Variants in MN1 observed in about 807,000 individuals in gnomAD.
MN1 encodes MN1 proto-oncogene, transcriptional regulator.
A neutral mutation model predicts 86.9 loss-of-function variants in MN1; 19 were observed. The observed-to-expected ratio is 0.22, with a 90% CI of 0.15 to 0.32. The LOEUF (loss-of-function observed/expected upper bound fraction) is 0.32, where lower values mean the gene tolerates loss of function less well. MN1 is among the 10% of genes least tolerant of loss of function. MN1 has a pLI of 1.00. For missense variants in MN1, 1,841 were observed against 1,862.0 expected, an observed-to-expected ratio of 0.99 and a Z score of 0.21; for synonymous variants, 928 against 849.6, an observed-to-expected ratio of 1.09 and a Z score of -1.60.
intron 1 of MN1, among the ~76,000 whole-genome samples, chr22:27,756,593 AG>A (rs1222169440): frequency 5.9e-5 from 9 of 152,166 alleles, no homozygotes; most frequent in Non-Finnish European, 1.0e-4. Context: ...ACTCCGGGCT[AG>A]GTGCTCACCT....
At chr22:27,766,373 C>T (rs1236899844) in intron 1 of MN1, among the ~76,000 whole-genome samples, 1 of 152,116 alleles carries the variant, frequency 6.6e-6, no homozygotes, top group African/African-American at 2.4e-5. Flanking sequence ...TCATCTCTGG[C>T]ATTGACCTAG....
At chr22:27,752,692 A>G (rs944659717) in intron 1 of MN1, among the ~76,000 whole-genome samples, 1 of 152,168 alleles carries the variant, frequency 6.6e-6, no homozygotes, top group African/African-American at 2.4e-5. Context: ...CTCATTTCCT[A>G]GACTCTGACT....
chr22:27,749,338 T>C lies in MN1; in HGVS notation c.*1577A>G, dbSNP rs142497819. On this transcript the variant is annotated 3_prime_UTR_variant, in exon 2 of 2. Coordinates refer to ENST00000302326, the MANE Select transcript of MN1 (RefSeq NM_002430.3). ...GCAAACTCTGAGGACCTGGAGGGGG[T>C]GGGGGAGCTCAAAGTGGAGCGTTTT... 5.1e-4 allele frequency: 119 copies of C among 231,720 alleles called. 1 individual carries two copies. The East Asian group carries it at 6.8e-3, about 13-fold the overall frequency. 14.4% of individuals were successfully genotyped at this position (231,720 alleles called of 1,614,324 possible). A position where few individuals can be genotyped will look rare whatever the true frequency, so the allele number is the denominator to read the frequency against.
intron 1 of MN1, among the ~76,000 whole-genome samples, chr22:27,757,553 G>A (rs899850388): frequency 1.3e-5 from 2 of 152,196 alleles, no homozygotes; most frequent in Admixed American, 6.5e-5. Flanking sequence ...ACACAATAGC[G>A]GATGACTCTC....
At chr22:27,780,192 C>T (rs1268115567) in intron 1 of MN1, among the ~76,000 whole-genome samples, 2 of 152,204 alleles carry the variant, frequency 1.3e-5, no homozygotes, top group African/African-American at 4.8e-5. Context: ...CCTGTCTGTG[C>T]TCCACACCCT....
In MN1 at chr22:27,794,990, C is replaced by T. The variant is rs543964331; in HGVS notation, c.3781+1773G>A. 1.9e-4 allele frequency among the ~76,000 whole-genome samples: 26 copies of T among 135,282 alleles called. No homozygotes were observed. The South Asian group carries it at 5.2e-3, about 27-fold the overall frequency. The allele number at this position is 135,282 out of a possible 152,430, so 88.8% of individuals were successfully genotyped here. ...TAACCAGCTATCGATCGGGCCAGATCGAGATGTCGTGTACAAGAAAATAAA... is the reference window on the plus strand; with the variant it reads ...TAACCAGCTATCGATCGGGCCAGATTGAGATGTCGTGTACAAGAAAATAAA... On this transcript the variant is annotated intron_variant, in intron 1 of 1. Transcript: ENST00000302326.
Position 27,798,768 on chromosome 22 carries a change from G to C in MN1, c.1776C>G (p.Gly592=). The C allele has an allele frequency of 6.5e-7, 1 of 1,534,642 alleles. No homozygotes were observed. The change falls in exon 1 of 2, where the codon GGC becomes GGG. Residue 592 remains glycine, a synonymous_variant. Transcript: ENST00000302326. Reference sequence around the variant, plus strand: ...GCTGGGCCAAGCCGCCCACCGGGCCGCCATGCACCAGGCCGCCCTGGCCCA... The same window carrying C: ...GCTGGGCCAAGCCGCCCACCGGGCCCCCATGCACCAGGCCGCCCTGGCCCA... ...GDVGQGGLVH[G]GPVGGLAQPN... is the part of the protein sequence containing the mutation.
intron 1 of MN1, among the ~76,000 whole-genome samples, chr22:27,774,469 C>T (rs930475104): frequency 2.0e-5 from 3 of 152,232 alleles, no homozygotes; most frequent in African/African-American, 7.2e-5. Context: ...CCCCACGGGT[C>T]AGACTAGGGC....
chr22:27,799,676 C>T lies in MN1; in HGVS notation c.868G>A (p.Ala290Thr). Residue 290 changes from alanine (A) to threonine (T), a missense_variant, in exon 1 of 2, where the codon GCC (alanine) becomes ACC (threonine). Ala to Thr is a moderately conservative substitution (Grantham distance 58). Coordinates refer to ENST00000302326, the MANE Select transcript of MN1 (RefSeq NM_002430.3). ...TGGGGCTGCTGCTGCGGTGGCTGGGCGTGCATTTTGGACAAGCCCACCATG... is the reference window on the plus strand; with the variant it reads ...TGGGGCTGCTGCTGCGGTGGCTGGGTGTGCATTTTGGACAAGCCCACCATG... ...AGMVGLSKMH[A>T]QPPQQQPQQQ... 6.4e-7 allele frequency: 1 copy of T among 1,552,330 alleles called. No individual in the cohort carries two copies. The highest frequency in any genetic ancestry group is 8.7e-7 in the Non-Finnish European group (1 of 1,148,568).
intron 1 of MN1, among the ~76,000 whole-genome samples, chr22:27,788,805 G>A (rs535520586): frequency 6.6e-6 from 1 of 152,098 alleles, no homozygotes; most frequent in East Asian, 1.9e-4. Flanking sequence ...AAGAAAACCA[G>A]ACCAGGCACA....
In MN1 at chr22:27,798,419, G is replaced by A; in HGVS notation, c.2125C>T (p.Leu709=). The change falls in exon 1 of 2, where the codon CTG becomes TTG. Residue 709 remains leucine (L), a synonymous_variant. Transcript: ENST00000302326. The part of the protein sequence containing the change: ...GLQFGGSLGG[L]GQLQSPGAGV... Reference sequence around the variant, plus strand: ...GCCCCGGGCGACTGCAGCTGACCCAGGCCTCCCAGACTGCCCCCGAACTGC... The same window carrying A: ...GCCCCGGGCGACTGCAGCTGACCCAAGCCTCCCAGACTGCCCCCGAACTGC... The A allele has an allele frequency of 6.5e-7, 1 of 1,540,964 alleles. No individual in the cohort carries two copies. The highest frequency in any genetic ancestry group is 8.7e-7 in the Non-Finnish European group (1 of 1,152,850).
At chr22:27,789,664 G>A (rs893913646) in intron 1 of MN1, among the ~76,000 whole-genome samples, 3 of 152,222 alleles carry the variant, frequency 2.0e-5, no homozygotes, top group Non-Finnish European at 4.4e-5. Flanking sequence ...CATGGAAGAT[G>A]TTCCTTCTGG....
chr22:27,797,373 G>C lies in MN1; in HGVS notation c.3171C>G (p.Asp1057Glu). 6.2e-7 allele frequency: 1 copy of C among 1,610,904 alleles called. No individual in the cohort carries two copies. The change falls in exon 1 of 2, where the codon GAC (aspartate) becomes GAG (glutamate). Residue 1057 changes from aspartate to glutamate, a missense_variant. By Grantham distance (45) the Asp-to-Glu change is conservative (BLOSUM62 2). Coordinates refer to ENST00000302326, the MANE Select transcript of MN1 (RefSeq NM_002430.3). ...GGTTGTCAGAGCTGGACGACACCTC[G>C]TCCTCATTGGCGTAGCTCGTGCTCA... is the stretch of plus-strand genomic sequence containing the variant. ...DEVSTSYANE[D>E]EVSSSSDNPQ...
chr22:27,772,093 C>A (rs962473890), intron 1 of MN1, among the ~76,000 whole-genome samples: 1 of 152,184 alleles, frequency 6.6e-6, no homozygotes, highest in Admixed American at 6.5e-5. Flanking sequence ...TATGTGTGTC[C>A]TCCTGCCCGG....
At chr22:27,794,306 A>C (rs1034680559) in intron 1 of MN1, among the ~76,000 whole-genome samples, 1 of 152,226 alleles carries the variant, frequency 6.6e-6, no homozygotes, top group African/African-American at 2.4e-5. Context: ...TCAGATGCAG[A>C]TACCTTATAA....
At chr22:27,773,719 C>T (rs778712645) in intron 1 of MN1, among the ~76,000 whole-genome samples, 5 of 152,204 alleles carry the variant, frequency 3.3e-5, no homozygotes, top group Admixed American at 6.5e-5. Flanking sequence ...TGCAGTGGCA[C>T]AATCTCAGCT....
chr22:27,773,505 G>A (rs1406643004), intron 1 of MN1, among the ~76,000 whole-genome samples: 2 of 152,196 alleles, frequency 1.3e-5, no homozygotes, highest in African/African-American at 4.8e-5. Flanking sequence ...GGCCTCACGT[G>A]CTCGCCGCAC....
Position 27,799,437 on chromosome 22 carries a change from G to T in MN1, c.1107C>A (p.Val369=). The change falls in exon 1 of 2, where the codon GTC becomes GTA. Residue 369 remains valine, a synonymous_variant. Coordinates refer to ENST00000302326, the MANE Select transcript of MN1 (RefSeq NM_002430.3). ...GCGCAGGCGGGCACGAATTTTGTCG[G>T]ACTAGAAGCCCGGGTGGCGGCGGCG... The part of the protein sequence containing the change: ...QQPPPPPGLL[V]RQNSCPPALP... The T allele has an allele frequency of 6.8e-7, 1 of 1,472,110 alleles. No individual in the cohort carries two copies. The allele number at this position is 1,472,110 out of a possible 1,614,324, so 91.2% of individuals were successfully genotyped here.
At chr22:27,773,021 C>T (rs1441694773) in intron 1 of MN1, among the ~76,000 whole-genome samples, 1 of 151,788 alleles carries the variant, frequency 6.6e-6, no homozygotes, top group Non-Finnish European at 1.5e-5. Context: ...CAAGGAGGCC[C>T]CATACACAGA....
Sources: allele counts gnomAD v4.1 joint callset (sites outside exome capture counted in the v4.1 genomes callset), GRCh38; gene constraint gnomAD v4.1.1; transcripts MANE v1.5; gene names NCBI Gene and HGNC (gene_info 2026-07-23, HGNC 2026-07-21).